SHROOM2: variants seen among roughly 807,000 people sequenced by gnomAD.
SHROOM2 encodes shroom family member 2.
In SHROOM2, 33 loss-of-function variants were observed where a neutral mutation model predicts 75.9. The observed-to-expected ratio is 0.43, with a 90% CI of 0.33 to 0.58. The LOEUF (loss-of-function observed/expected upper bound fraction) is 0.58, where lower values mean the gene tolerates loss of function less well. Ranked by LOEUF, SHROOM2 falls within the 20% of genes least tolerant of loss-of-function variation. The pLI is 0.04. For missense variants in SHROOM2, 1,434 were observed against 1,461.2 expected (o/e 0.98, Z 0.30); for synonymous variants, 655 against 663.6 (o/e 0.99, Z 0.20).
chrX:9,853,381 A>G (rs1245208608), intron 1 of SHROOM2, among the ~76,000 whole-genome samples: 1 of 112,346 alleles, frequency 8.9e-6, no homozygotes, highest in African/African-American at 3.2e-5. Flanking sequence ...CTGTCATAAC[A>G]AAGTACCTAG....
intron 2 of SHROOM2, among the ~76,000 whole-genome samples, chrX:9,875,080 CAAAAAAAAAAAAAAAAAA>C (rs375824306): frequency 8.9e-4 from 11 of 12,332 alleles, no homozygotes; most frequent in Non-Finnish European, 1.8e-3. Context: ...GACCCTGTCT[CAAAAAAAAAAAAAAAAAA>C]AAAAAAAAAA....
At chrX:9,936,503 G>A (rs1225098950) in intron 6 of SHROOM2, among the ~76,000 whole-genome samples, 1 of 112,149 alleles carries the variant, frequency 8.9e-6, no homozygotes, top group East Asian at 2.8e-4. Context: ...TATCTCACTG[G>A]TGTGCAAATC....
intron 1 of SHROOM2, among the ~76,000 whole-genome samples, chrX:9,820,466 G>A (rs2083847890): frequency 9.0e-6 from 1 of 110,861 alleles, no homozygotes; most frequent in Non-Finnish European, 1.9e-5. Context: ...CCGGGCTTAA[G>A]CAATCCTCCC....
Position 9,932,531 on chromosome X carries a change from C to G in SHROOM2, c.3248C>G (p.Ala1083Gly). Reference protein sequence around the residue: ...RRYRATDGAPADAPVGVLGRP... With the variant: ...RRYRATDGAPGDAPVGVLGRP... ...TACAGGGCCACAGACGGCGCACCTG[C>G]TGACGCCCCCGTGGGCGTCCTCGGC... The change falls in exon 6 of 10, where the codon GCT becomes GGT. Residue 1083 changes from alanine to glycine, a missense_variant. By Grantham distance (60) the Ala-to-Gly change is moderately conservative. Around this residue, in one of 3 missense-constraint regions of SHROOM2, gnomAD observed 1,340 missense variants for 1,338.3 expected, o/e 1.00. Coordinates refer to ENST00000380913, the MANE Select transcript of SHROOM2 (RefSeq NM_001649.4). 1 of 1,211,211 alleles carries G rather than the reference C, an allele frequency of 8.3e-7. No individual in the cohort carries two copies.
chrX:9,942,434 C>T (rs1372723290), intron 8 of SHROOM2, among the ~76,000 whole-genome samples: 1 of 111,607 alleles, frequency 9.0e-6, no homozygotes, highest in Non-Finnish European at 1.9e-5. Flanking sequence ...GTCCCCAAGA[C>T]TGCACCCCCC....
At position 9,939,209 on chromosome X, in the gene SHROOM2, G is replaced by C; in HGVS notation, c.4154G>C (p.Ser1385Thr). Residue 1385 changes from serine (S) to threonine (T), a missense_variant, in exon 8 of 10, where the codon AGC (serine) becomes ACC (threonine). By Grantham distance (58) the Ser-to-Thr change is moderately conservative. This residue lies in a region of SHROOM2 where 1,340 missense variants were observed against 1,338.3 expected (regional missense o/e 1.00). Coordinates refer to ENST00000380913, the MANE Select transcript of SHROOM2 (RefSeq NM_001649.4). ...CCTTTACCCAGGAAAGAGGAGCCCA[G>C]CGTGCCTGCGGCCGTGTCCCTGGCC... ...RSTEERKEEP[S>T]VPAAVSLATN... 5.0e-6 allele frequency: 6 copies of C among 1,206,364 alleles called. No individual in the cohort carries two copies. The highest frequency in any genetic ancestry group is 6.7e-6 in the Non-Finnish European group (6 of 892,940).
chrX:9,863,738 C>A (rs773055728), intron 1 of SHROOM2, among the ~76,000 whole-genome samples: 1 of 110,072 alleles, frequency 9.1e-6, no homozygotes, highest in Non-Finnish European at 1.9e-5. Context: ...CAGGTGATCC[C>A]GCCATAGCCT....
At chrX:9,916,233 C>T (rs1309903312) in intron 5 of SHROOM2, among the ~76,000 whole-genome samples, 1 of 112,316 alleles carries the variant, frequency 8.9e-6, no homozygotes, top group African/African-American at 3.2e-5. Context: ...GGAAGTATAT[C>T]TGCTTTGAAG....
chrX:9,832,762 A>G (rs1436980841), intron 1 of SHROOM2, among the ~76,000 whole-genome samples: 1 of 108,832 alleles, frequency 9.2e-6, no homozygotes, highest in East Asian at 2.9e-4. Context: ...GGGCGGGTGC[A>G]CCTCACTCTG....
chrX:9,826,313 G>A (rs1285517778), intron 1 of SHROOM2, among the ~76,000 whole-genome samples: 1 of 112,388 alleles, frequency 8.9e-6, no homozygotes, highest in African/African-American at 3.2e-5. Context: ...TGCTGGGCTC[G>A]GATGACACAG....
intron 2 of SHROOM2, among the ~76,000 whole-genome samples, chrX:9,877,487 G>A (rs1210804201): frequency 9.0e-6 from 1 of 111,393 alleles, no homozygotes; most frequent in East Asian, 2.8e-4. Flanking sequence ...TCTCTACTTG[G>A]CAGGGGAGTG....
intron 1 of SHROOM2, among the ~76,000 whole-genome samples, chrX:9,825,287 T>C (rs777972359): frequency 8.9e-6 from 1 of 112,237 alleles, no homozygotes; most frequent in East Asian, 2.8e-4. Flanking sequence ...TGCACTGGGG[T>C]TATTGCACCA....
chrX:9,789,541 T>C (rs2083635990), intron 1 of SHROOM2, among the ~76,000 whole-genome samples: 1 of 111,505 alleles, frequency 9.0e-6, no homozygotes, highest in Non-Finnish European at 1.9e-5. Flanking sequence ...TATGTGATCC[T>C]GGTGGGTTTT....
At chrX:9,872,182 CACAGTGTGCCAGA>C (rs1226621180) in intron 1 of SHROOM2, among the ~76,000 whole-genome samples, 1 of 112,504 alleles carries the variant, frequency 8.9e-6, no homozygotes, top group Non-Finnish European at 1.9e-5. Flanking sequence ...GCTCACTGGC[CACAGTGTGCCAGA>C]AAATGGACAG....
intron 5 of SHROOM2, among the ~76,000 whole-genome samples, chrX:9,910,441 C>T (rs1452890500): frequency 9.0e-6 from 1 of 110,658 alleles, no homozygotes; most frequent in Non-Finnish European, 1.9e-5. Flanking sequence ...CGCAATGGGT[C>T]ATGCTTGTAA....
intron 7 of SHROOM2, among the ~76,000 whole-genome samples, chrX:9,938,409 C>G (rs1269955450): frequency 9.1e-6 from 1 of 110,122 alleles, no homozygotes; most frequent in Non-Finnish European, 1.9e-5. Flanking sequence ...AAAAATTAGC[C>G]AGGCGTGGTG....
At chrX:9,910,532 CCTGG>C (rs752617167) in intron 5 of SHROOM2, among the ~76,000 whole-genome samples, 1 of 110,407 alleles carries the variant, frequency 9.1e-6, no homozygotes, top group African/African-American at 3.3e-5. Context: ...ATAGCAAGAC[CCTGG>C]CCAGGTGCAG....
At position 9,823,760 on chromosome X, in the gene SHROOM2, T is replaced by TC. The variant is rs202053458; in HGVS notation, c.165+37050_165+37051insC. Among the ~76,000 whole-genome samples the TC allele has an allele frequency of 4.4e-3, 423 of 95,854 alleles. 23 individuals carry two copies. The highest frequency in any genetic ancestry group is 0.031 in the Admixed American group (265 of 8,417). 83.2% of individuals were successfully genotyped at this position (95,854 alleles called of 115,157 possible). On this transcript the variant is annotated intron_variant, in intron 1 of 9. Coordinates refer to ENST00000380913, the MANE Select transcript of SHROOM2 (RefSeq NM_001649.4). ...TTTTTTTCTTTTTTCTTTTTTCTTT[T>TC]TTCTTTTTTTTTTTTTGAGACAGGG...
At chrX:9,941,733 A>T (rs113553562) in intron 8 of SHROOM2, among the ~76,000 whole-genome samples, 5,758 of 109,410 alleles carry the variant, frequency 0.053, 185 homozygotes, top group Middle Eastern at 0.1. Flanking sequence ...GCACTTTCGG[A>T]GGCCGAGGTG....
Sources: gnomAD v4.1 joint callset for allele counts (sites outside exome capture counted in the v4.1 genomes callset) on GRCh38, gnomAD v4.1.1 for gene constraint, gnomAD v4.1.1 regional missense constraint, MANE v1.5 for transcripts, NCBI Gene and HGNC (gene_info 2026-07-23, HGNC 2026-07-21) for gene names.